Variants in IL4I1 observed in about 807,000 individuals in gnomAD.
IL4I1 encodes interleukin 4 induced 1, also known as L-amino-acid oxidase.
Under a neutral mutation model 29.7 loss-of-function variants are expected in IL4I1, and 24 were observed. The observed-to-expected ratio is 0.81, with a 90% CI of 0.59 to 1.14. IL4I1 has a LOEUF of 1.14. Ranked by LOEUF, IL4I1 falls within the 50% of genes most tolerant of loss-of-function variation. The probability of loss-of-function intolerance (pLI) is 0.00; values close to 1 mark genes in which losing one functional copy is unlikely to be tolerated. For missense variants in IL4I1, 686 were observed against 785.6 expected (o/e 0.87, Z 1.52); for synonymous variants, 371 against 352.5 (o/e 1.05, Z -0.59).
chr19:49,915,850 G>A (rs2075610190), intron 2 of IL4I1, among the ~76,000 whole-genome samples: 1 of 152,256 alleles, frequency 6.6e-6, no homozygotes, highest in South Asian at 2.1e-4. Flanking sequence ...CTGACACCCA[G>A]CCACGATAGG....
Position 49,909,826 on chromosome 19 carries a change from C to T in IL4I1, c.-227-5505G>A, listed in dbSNP as rs372247611. On this transcript the variant is annotated intron_variant, in intron 2 of 9. Coordinates refer to the IL4I1 transcript ENST00000341114. ...CGCTCATGGCTCCGGACTCTGGTGG[C>T]GGCAGCTACTCTGGCTCCCAAAGCA... The T allele has an allele frequency of 1.9e-5, 30 of 1,612,972 alleles. No individual in the cohort carries two copies. The Admixed American group carries it at 3.5e-4, about 19-fold the overall frequency.
chr19:49,913,342 G>A (rs1174509205), intron 2 of IL4I1, among the ~76,000 whole-genome samples: 2 of 152,212 alleles, frequency 1.3e-5, no homozygotes, highest in Non-Finnish European at 2.9e-5. Context: ...CTATGTTCTT[G>A]AAATGTGCTG....
chr19:49,890,079 C>T lies in IL4I1; in HGVS notation c.1295G>A (p.Arg432His). The T allele has an allele frequency of 1.3e-6, 2 of 1,548,044 alleles. No homozygotes were observed. The highest frequency in any genetic ancestry group is 1.2e-5 in the South Asian group (1 of 84,172). The change falls in exon 8 of 8, where the codon CGC (arginine) becomes CAC (histidine). Residue 432 changes from arginine to histidine, a missense_variant. Arg to His is a conservative substitution (Grantham distance 29). Coordinates refer to ENST00000391826, the MANE Select transcript of IL4I1 (RefSeq NM_152899.2). ...GACGCCGGTGCCGTCCCAGAGCTGG[C>T]GCACGACAGGCCCGTGCAATGCCGC... ...DVAALHGPVVRQLWDGTGVVK... is the reference protein window; with the variant it reads ...DVAALHGPVVHQLWDGTGVVK...
Position 49,902,017 on chromosome 19 carries a change from T to A in IL4I1, c.-104-196A>T, listed in dbSNP as rs558960346. On this transcript the variant is annotated intron_variant, in intron 3 of 9. Transcript: ENST00000341114. ...GGCACCATATTGTCTTCTGATTTTT[T>A]GGGACTGAGTCTCGTTCTGTCACCC... 21 of 200,128 alleles carry A rather than the reference T, an allele frequency of 1.0e-4. No homozygotes were observed. In the East Asian group the frequency reaches 2.3e-3, roughly 22 times the overall value. 12.4% of individuals were successfully genotyped at this position (200,128 alleles called of 1,614,324 possible).
At chr19:49,908,437 G>A in intron 2 of IL4I1, 1 of 1,614,112 alleles carries the variant, frequency 6.2e-7, no homozygotes, top group Non-Finnish European at 8.5e-7. Context: ...ACGTGTTCAG[G>A]TGCTCGATGA....
Position 49,895,867 on chromosome 19 carries a change from G to T in IL4I1, c.200C>A (p.Ala67Asp), listed in dbSNP as rs773361904. ...LKPQRVIVVG[A>D]GVAGLVAAKV... ...GGCGGCCACCAGCCCGGCCACACCA[G>T]CGCCAACCACAATCACCCTCTGGGG... is the stretch of plus-strand genomic sequence containing the variant. Residue 67 changes from alanine to aspartate, a missense_variant, in exon 3 of 8, where the codon GCT (alanine) becomes GAT (aspartate). By Grantham distance (126) the Ala-to-Asp change is moderately radical. Transcript: ENST00000391826. 1.8e-5 allele frequency: 29 copies of T among 1,614,168 alleles called. No homozygotes were observed. Among genetic ancestry groups the T allele is most frequent in the Non-Finnish European group, 2.5e-5 (29 of 1,180,030 alleles).
chr19:49,921,370 C>T lies in IL4I1; in HGVS notation c.-228+6324G>A, dbSNP rs543278163. On this transcript the variant is annotated intron_variant, in intron 2 of 9. Transcript: ENST00000341114. The surrounding 1 kb of genome is among the most constrained non-coding windows in gnomAD (Gnocchi z 5.4). ...TGCTCCCCACTGCCACCACCATCAC[C>T]GTCCCCTGCCTCATCCAGTCCCCCT... 3.9e-5 allele frequency among the ~76,000 whole-genome samples: 6 copies of T among 152,114 alleles called. No individual in the cohort carries two copies. The highest frequency in any genetic ancestry group is 1.5e-5 in the Non-Finnish European group (1 of 68,022).
intron 2 of IL4I1, among the ~76,000 whole-genome samples, chr19:49,926,520 ACT>A (rs1396815262): frequency 4.1e-5 from 6 of 147,834 alleles, no homozygotes; most frequent in African/African-American, 1.2e-4. Context: ...ACACAGCAAG[ACT>A]CTGTCTCAAA....
intron 2 of IL4I1, among the ~76,000 whole-genome samples, chr19:49,925,119 T>A (rs1240798027): frequency 6.6e-6 from 1 of 151,692 alleles, no homozygotes. Flanking sequence ...AAATTAGCCA[T>A]GTGTGGTGAC....
chr19:49,905,402 C>G (rs2075309134), intron 2 of IL4I1, among the ~76,000 whole-genome samples: 1 of 152,130 alleles, frequency 6.6e-6, no homozygotes, highest in Admixed American at 6.5e-5. Flanking sequence ...CTCAAGGCCT[C>G]CCTTCCGGCA....
intron 2 of IL4I1, chr19:49,907,661 T>C: frequency 5.4e-6 from 2 of 370,094 alleles, no homozygotes; most frequent in South Asian, 2.1e-5. Flanking sequence ...GCCTCCCGAG[T>C]AGCTGAGATT....
intron 2 of IL4I1, among the ~76,000 whole-genome samples, chr19:49,912,449 A>G (rs1345262355): frequency 1.3e-5 from 2 of 151,958 alleles, no homozygotes; most frequent in East Asian, 1.9e-4. Context: ...GATTACAGGC[A>G]TGAGCCACTG....
In IL4I1 at chr19:49,889,854, C is replaced by T. The variant is rs749043676; in HGVS notation, c.1520G>A (p.Arg507Gln). ...GGCCGTGTCCGATGCAGGCCCCTTCCGGCTGTTGATCTTGATGGCGGCGCG... is the reference window on the plus strand; with the variant it reads ...GGCCGTGTCCGATGCAGGCCCCTTCTGGCTGTTGATCTTGATGGCGGCGCG... ...ALRAAIKINS[R>Q]KGPASDTASP... The change falls in exon 8 of 8, where the codon CGG becomes CAG. Residue 507 changes from arginine to glutamine, a missense_variant. Arg to Gln is a conservative substitution (Grantham distance 43, BLOSUM62 1). Transcript: ENST00000391826. 1.1e-5 allele frequency: 17 copies of T among 1,592,286 alleles called. No individual in the cohort carries two copies. The highest frequency in any genetic ancestry group is 1.7e-4 in the Middle Eastern group (1 of 5,984).
intron 2 of IL4I1, among the ~76,000 whole-genome samples, chr19:49,918,053 A>T (rs1030130545): frequency 6.6e-6 from 1 of 151,504 alleles, no homozygotes; most frequent in Non-Finnish European, 1.5e-5. Flanking sequence ...ACCCAAAGCC[A>T]TGGAGAGGGT....
intron 2 of IL4I1, chr19:49,907,282 G>A (rs1054250123): frequency 1.1e-4 from 32 of 297,392 alleles, no homozygotes; most frequent in South Asian, 5.3e-5. Flanking sequence ...GGGTAGCTGG[G>A]AAGGCTTCCT....
chr19:49,908,229 C>A (rs765043638), intron 2 of IL4I1: 3 of 1,612,108 alleles, frequency 1.9e-6, no homozygotes, highest in South Asian at 2.2e-5. Flanking sequence ...GGCCCCAGGG[C>A]TGCTGTCGCT....
chr19:49,890,486 A>C lies in IL4I1; in HGVS notation c.888T>G (p.Asp296Glu), dbSNP rs61740372. 1 of 1,611,630 alleles carries C rather than the reference A, an allele frequency of 6.2e-7. No individual in the cohort carries two copies. The highest frequency in any genetic ancestry group is 2.2e-5 in the East Asian group (1 of 44,858). Reference sequence around the variant, plus strand: ...GAGAGGTCTCGATCTGCACGTGCACATCGTGCGGTCCCTGGGTCATCGCCA... The same window carrying C: ...GAGAGGTCTCGATCTGCACGTGCACCTCGTGCGGTCCCTGGGTCATCGCCA... ...PVVAMTQGPH[D>E]VHVQIETSPP... is the part of the protein sequence containing the mutation. Residue 296 changes from aspartate to glutamate, a missense_variant, in exon 8 of 8, where the codon GAT becomes GAG. By Grantham distance (45) the Asp-to-Glu change is conservative (BLOSUM62 2). Coordinates refer to ENST00000391826, the MANE Select transcript of IL4I1 (RefSeq NM_152899.2).
intron 2 of IL4I1, chr19:49,917,495 C>G (rs540970812): frequency 6.6e-6 from 1 of 152,412 alleles, no homozygotes; most frequent in East Asian, 1.9e-4. Flanking sequence ...CCTAAGTGGA[C>G]CTTAGCCAAG....
At chr19:49,916,871 T>G (rs1600530751) in intron 2 of IL4I1, among the ~76,000 whole-genome samples, 1 of 152,176 alleles carries the variant, frequency 6.6e-6, no homozygotes. Flanking sequence ...CAGTGAGCTG[T>G]GATCATGCCA....
Sources: gnomAD v4.1 joint callset for allele counts (sites outside exome capture counted in the v4.1 genomes callset) on GRCh38, gnomAD v4.1.1 for gene constraint, Gnocchi (gnomAD v3.1) non-coding constraint, MANE v1.5 for transcripts, NCBI Gene and HGNC (gene_info 2026-07-23, HGNC 2026-07-21) for gene names.